Variants in SREK1IP1 observed in about 807,000 individuals in gnomAD.
The protein encoded by SREK1IP1 is protein SREK1IP1.
SREK1IP1 carries 12 observed loss-of-function variants against 22.8 expected under a neutral mutation model. The ratio of observed to expected loss-of-function variants is 0.53; its 90% CI spans 0.34 to 0.85. SREK1IP1 has a LOEUF of 0.85. Ranked by LOEUF, SREK1IP1 falls within the 40% of genes least tolerant of loss-of-function variation. The pLI, the probability that SREK1IP1 is intolerant of heterozygous loss-of-function variation, is 0.02. For missense variants in SREK1IP1, 147 were observed against 171.8 expected, an observed-to-expected ratio of 0.86 and a Z score of 0.81; for synonymous variants, 53 against 52.7, an observed-to-expected ratio of 1.01 and a Z score of -0.02.
At chr5:64,727,112 T>C (rs796460509) in intron 4 of SREK1IP1, among the ~76,000 whole-genome samples, 13 of 152,314 alleles carry the variant, frequency 8.5e-5, no homozygotes, top group African/African-American at 2.9e-4. Context: ...TTCCAATTTA[T>C]AAGATACCTG....
At chr5:64,744,322 T>C (rs1283579328) in intron 2 of SREK1IP1, among the ~76,000 whole-genome samples, 2 of 152,210 alleles carry the variant, frequency 1.3e-5, no homozygotes, top group Non-Finnish European at 2.9e-5. Flanking sequence ...AAGGTGCCTG[T>C]CTGGGCCTCT....
At chr5:64,756,329 C>T (rs1343144870) in intron 1 of SREK1IP1, among the ~76,000 whole-genome samples, 2 of 152,262 alleles carry the variant, frequency 1.3e-5, no homozygotes, top group East Asian at 1.9e-4. Flanking sequence ...TCCCTCTTCC[C>T]TCTAGCCCCT....
chr5:64,743,970 G>C (rs1023150315), intron 2 of SREK1IP1, among the ~76,000 whole-genome samples: 2 of 152,180 alleles, frequency 1.3e-5, no homozygotes. Flanking sequence ...GTCACAGCCA[G>C]TGCCAGGGAG....
chr5:64,758,096 T>TTA (rs1742880070), intron 1 of SREK1IP1, among the ~76,000 whole-genome samples: 1 of 151,932 alleles, frequency 6.6e-6, no homozygotes, highest in Middle Eastern at 3.2e-3. Context: ...CAGGATGGTC[T>TTA]CGATCTCCTG....
At chr5:64,758,992 A>C (rs1339349717) in intron 1 of SREK1IP1, among the ~76,000 whole-genome samples, 1 of 152,206 alleles carries the variant, frequency 6.6e-6, no homozygotes, top group East Asian at 1.9e-4. Flanking sequence ...CAAGAGTTTG[A>C]ATCTGAGGCA....
intron 2 of SREK1IP1, among the ~76,000 whole-genome samples, chr5:64,750,808 T>C (rs945141690): frequency 6.6e-6 from 1 of 152,214 alleles, no homozygotes; most frequent in African/African-American, 2.4e-5. Flanking sequence ...GTCATACCTC[T>C]TAGAGGAACT....
At chr5:64,742,713 G>T (rs1422206425) in intron 2 of SREK1IP1, among the ~76,000 whole-genome samples, 1 of 152,162 alleles carries the variant, frequency 6.6e-6, no homozygotes, top group Non-Finnish European at 1.5e-5. Flanking sequence ...AGAAGTTCAA[G>T]AGCCTAGGGT....
At chr5:64,729,215 G>C (rs565778248) in intron 3 of SREK1IP1, among the ~76,000 whole-genome samples, 8 of 152,314 alleles carry the variant, frequency 5.3e-5, no homozygotes, top group African/African-American at 1.7e-4. Flanking sequence ...TATGTGTCAA[G>C]TACTGTGCTA....
At chr5:64,744,919 C>T (rs997234246) in intron 2 of SREK1IP1, among the ~76,000 whole-genome samples, 1 of 152,186 alleles carries the variant, frequency 6.6e-6, no homozygotes, top group Non-Finnish European at 1.5e-5. Context: ...ACACACTATA[C>T]GCATTCTTGC....
chr5:64,730,797 G>C (rs1401359372), intron 3 of SREK1IP1, among the ~76,000 whole-genome samples: 1 of 152,164 alleles, frequency 6.6e-6, no homozygotes, highest in East Asian at 1.9e-4. Flanking sequence ...AGAAACACCA[G>C]TCTGCCTCTT....
intron 2 of SREK1IP1, among the ~76,000 whole-genome samples, chr5:64,752,144 G>GTTT (rs755420855): frequency 0.21 from 17,641 of 83,854 alleles, 2,866 homozygotes; most frequent in East Asian, 0.33. Context: ...TTTTTTTTGT[G>GTTT]TGTTTTTTTT....
intron 1 of SREK1IP1, among the ~76,000 whole-genome samples, chr5:64,758,429 C>T (rs1742887840): frequency 6.6e-6 from 1 of 151,318 alleles, no homozygotes; most frequent in Admixed American, 6.6e-5. Context: ...TACTCTAATC[C>T]CATTGTTTCC....
chr5:64,762,103 AG>A (rs1742961656), intron 1 of SREK1IP1, among the ~76,000 whole-genome samples: 1 of 152,224 alleles, frequency 6.6e-6, no homozygotes, highest in African/African-American at 2.4e-5. Flanking sequence ...GCAACAACTT[AG>A]TCACTGGGAA....
intron 2 of SREK1IP1, 30 bp from the exon 3 acceptor site, chr5:64,741,230 T>A: frequency 6.3e-7 from 1 of 1,590,534 alleles, no homozygotes; most frequent in Non-Finnish European, 8.6e-7. Flanking sequence ...AAAATGTGAG[T>A]GATAAAACTA....
intron 2 of SREK1IP1, among the ~76,000 whole-genome samples, chr5:64,752,873 T>C (rs926748724): frequency 6.6e-6 from 1 of 152,214 alleles, no homozygotes; most frequent in African/African-American, 2.4e-5. Flanking sequence ...TGTGGAGATG[T>C]AAATTTAACA....
At chr5:64,733,758 T>C (rs1214251580) in intron 3 of SREK1IP1, among the ~76,000 whole-genome samples, 1 of 152,116 alleles carries the variant, frequency 6.6e-6, no homozygotes, top group Non-Finnish European at 1.5e-5. Context: ...AAATACTTAA[T>C]ACTTAAACAA....
chr5:64,751,074 A>T (rs948452220), intron 2 of SREK1IP1, among the ~76,000 whole-genome samples: 4 of 152,092 alleles, frequency 2.6e-5, no homozygotes, highest in African/African-American at 7.2e-5. Flanking sequence ...ATGACCTACA[A>T]ATCTACTTAA....
At chr5:64,732,285 A>G (rs1742394137) in intron 3 of SREK1IP1, among the ~76,000 whole-genome samples, 1 of 152,192 alleles carries the variant, frequency 6.6e-6, no homozygotes, top group African/African-American at 2.4e-5. Context: ...AATACTTGGA[A>G]ATAACAAAAC....
Position 64,728,113 on chromosome 5 carries a change from CT to C in SREK1IP1, c.271del (p.Arg91GlyfsTer67), listed in dbSNP as rs750306056. ...AATGTTGTTCAAAAAATACCTTTTC[CT>C]TTTTTTTTTCAATTTGATTTTTTCT... Reference protein sequence around the residue: ...SKEKIKLKKKRKRSYSSSSTE... With the variant: ...SKEKIKLKKKXKRSYSSSSTE... On this transcript the variant is annotated frameshift_variant, in exon 4 of 5. Transcript: ENST00000513458. LOFTEE classifies it high-confidence loss of function. The C allele has an allele frequency of 1.8e-3, 2,127 of 1,212,574 alleles. No homozygotes were observed. The highest frequency in any genetic ancestry group is 6.0e-3 in the South Asian group (296 of 49,428). 75.1% of individuals were successfully genotyped at this position (1,212,574 alleles called of 1,614,324 possible). A position where few individuals can be genotyped will look rare whatever the true frequency, so the allele number is the denominator to read the frequency against.
Sources: allele counts gnomAD v4.1 joint callset (sites outside exome capture counted in the v4.1 genomes callset), GRCh38; gene constraint gnomAD v4.1.1; transcripts MANE v1.5; gene names NCBI Gene and HGNC (gene_info 2026-07-23, HGNC 2026-07-21).